The following PNPLA1 variants were observed in gnomAD, a reference collection of about 807,000 sequenced individuals.
PNPLA1 encodes the protein omega-hydroxyceramide transacylase.
Under a neutral mutation model 51.7 loss-of-function variants are expected in PNPLA1, and 36 were observed. The observed-to-expected ratio is 0.70, with a 90% CI of 0.53 to 0.92. The LOEUF is 0.92. Ranked by LOEUF, PNPLA1 falls within the 40% of genes least tolerant of loss-of-function variation. The pLI is 0.00. For synonymous variants in PNPLA1, 293 were observed against 280.1 expected (o/e 1.05, Z -0.46); for missense variants, 658 against 682.5 (o/e 0.96, Z 0.40).
intron 1 of PNPLA1, among the ~76,000 whole-genome samples, chr6:36,262,587 GTCCCTTCCTC>G (rs1561850405): frequency 6.6e-6 from 1 of 152,196 alleles, no homozygotes; most frequent in Non-Finnish European, 1.5e-5. Flanking sequence ...GCAAGCCCCA[GTCCCTTCCTC>G]AGAAGTAACC....
intron 7 of PNPLA1, among the ~76,000 whole-genome samples, chr6:36,306,907 A>G (rs1005183643): frequency 2.0e-5 from 3 of 152,170 alleles, no homozygotes; most frequent in African/African-American, 7.2e-5. Flanking sequence ...CATACACTCC[A>G]TTATATCTTT....
chr6:36,302,620 C>G, intron 6 of PNPLA1, 151 bp downstream of exon 6: 2 of 1,092,234 alleles, frequency 1.8e-6, no homozygotes, highest in Non-Finnish European at 2.6e-6. Context: ...TGAGGACAGT[C>G]CGCCACAAGG....
intron 5 of PNPLA1, among the ~76,000 whole-genome samples, chr6:36,296,271 G>A (rs971955886): frequency 1.3e-5 from 2 of 152,136 alleles, no homozygotes; most frequent in Non-Finnish European, 2.9e-5. Context: ...GTGAGACCCT[G>A]TCTCTAAAAA....
chr6:36,257,032 T>C (rs1302999257), intron 1 of PNPLA1, among the ~76,000 whole-genome samples: 1 of 152,134 alleles, frequency 6.6e-6, no homozygotes, highest in East Asian at 1.9e-4. Flanking sequence ...GCCTGGGATC[T>C]GGGTGTGGTG....
rs919430107 is a variant in PNPLA1 at position 36,294,115 on chromosome 6, G to A, written c.505-75G>A. On this transcript the variant is annotated intron_variant, in intron 3 of 8. Transcript: ENST00000636260. This position sits in a 1 kb window ranked among gnomAD's most constrained non-coding sequence, Gnocchi z 4.2. ...CCTTGAAGCTGGTGCCATATCCCAT[G>A]GGCCATTTCGATGTACCCCGAGTGG... 4 of 1,538,530 alleles carry A rather than the reference G, an allele frequency of 2.6e-6. No homozygotes were observed. The highest frequency in any genetic ancestry group is 1.7e-4 in the Middle Eastern group (1 of 5,796).
chr6:36,287,108 G>A (rs1024406211), intron 1 of PNPLA1, among the ~76,000 whole-genome samples: 6 of 152,104 alleles, frequency 3.9e-5, no homozygotes, highest in East Asian at 3.8e-4. Context: ...GGATGATCTC[G>A]CCTTCAAGCT....
Position 36,307,620 on chromosome 6 carries a change from T to A in PNPLA1, c.1503T>A (p.Asn501Lys). The stretch of plus-strand genomic sequence containing the variant: ...CTGCTGAAGACTCAAACTGGGTGAA[T>A]AAGGTCTTCAAGAAGAACAAGCAAA... ...ESPAEDSNWVNKVFKKNKQKT... is the reference protein window; with the variant it reads ...ESPAEDSNWVKKVFKKNKQKT... Residue 501 changes from asparagine (N) to lysine (K), a missense_variant, in exon 8 of 9, where the codon AAT (asparagine) becomes AAA (lysine). Physicochemically the swap from Asn to Lys is moderately conservative, Grantham distance 94. Coordinates refer to ENST00000636260, the MANE Select transcript of PNPLA1 (RefSeq NM_001374623.1). 1 of 1,613,602 alleles carries A rather than the reference T, an allele frequency of 6.2e-7. No homozygotes were observed. Among genetic ancestry groups the A allele is most frequent in the South Asian group, 1.1e-5 (1 of 91,066 alleles).
intron 1 of PNPLA1, among the ~76,000 whole-genome samples, chr6:36,260,967 G>A (rs148962553): frequency 3.9e-5 from 6 of 152,176 alleles, no homozygotes; most frequent in African/African-American, 1.4e-4. Flanking sequence ...GGGACCACAG[G>A]CATGCACCAC....
intron 1 of PNPLA1, among the ~76,000 whole-genome samples, chr6:36,259,087 C>CA (rs1769592204): frequency 1.3e-5 from 2 of 152,168 alleles, no homozygotes; most frequent in African/African-American, 4.8e-5. Flanking sequence ...TGAACCACAG[C>CA]AATGGTTCAG....
chr6:36,288,553 C>T (rs1031612542), intron 1 of PNPLA1, among the ~76,000 whole-genome samples: 1 of 151,282 alleles, frequency 6.6e-6, no homozygotes, highest in Non-Finnish European at 1.5e-5. Flanking sequence ...CCCGGGTTCA[C>T]GCCATTCTCC....
intron 1 of PNPLA1, among the ~76,000 whole-genome samples, chr6:36,285,172 G>A (rs1344674615): frequency 1.3e-5 from 2 of 152,218 alleles, no homozygotes; most frequent in African/African-American, 4.8e-5. Flanking sequence ...TGCAATTAGG[G>A]ACCAGATAGC....
At chr6:36,289,591 C>T (rs978305978) in intron 1 of PNPLA1, among the ~76,000 whole-genome samples, 1 of 146,030 alleles carries the variant, frequency 6.8e-6, no homozygotes, top group African/African-American at 2.6e-5. Context: ...TACACATATG[C>T]AGGTGTGATT....
chr6:36,302,865 T>C (rs532773300), intron 6 of PNPLA1, among the ~76,000 whole-genome samples: 8 of 152,244 alleles, frequency 5.3e-5, no homozygotes, highest in Admixed American at 5.2e-4. Context: ...CAGTAGATTT[T>C]TACTGTGAAA....
At chr6:36,275,863 T>C (rs35968576) in intron 1 of PNPLA1, among the ~76,000 whole-genome samples, 44,037 of 152,042 alleles carry the variant, frequency 0.29, 6,494 homozygotes, top group South Asian at 0.39. Flanking sequence ...TCAGTAAAGA[T>C]TTTGTGTGTT....
intron 1 of PNPLA1, 80 bp from the exon 2 acceptor site, chr6:36,291,240 G>A: frequency 9.0e-7 from 1 of 1,113,246 alleles, no homozygotes; most frequent in Non-Finnish European, 1.3e-6. Context: ...GAGATGAGTT[G>A]GAGAAACCAC....
At chr6:36,308,864 A>G (rs1431265824) in intron 8 of PNPLA1, among the ~76,000 whole-genome samples, 2 of 152,134 alleles carry the variant, frequency 1.3e-5, no homozygotes, top group African/African-American at 2.4e-5. Context: ...GCATGTTGAC[A>G]TGTGCCGGTA....
chr6:36,270,379 A>G lies in PNPLA1; in HGVS notation c.-81A>G. The G allele has an allele frequency of 7.0e-7, 1 of 1,430,358 alleles. No individual in the cohort carries two copies. Among genetic ancestry groups the G allele is most frequent in the African/African-American group, 1.4e-5 (1 of 70,766 alleles). The allele number at this position is 1,430,358 out of a possible 1,614,324, so 88.6% of individuals were successfully genotyped here. A position where few individuals can be genotyped will look rare whatever the true frequency, so the allele number is the denominator to read the frequency against. Reference sequence around the variant, plus strand: ...CAGGGAAGCTGGGTAGGGAGTTCCTACAGGGAGCGGCAGCCCAGGCTCGGG... The same window carrying G: ...CAGGGAAGCTGGGTAGGGAGTTCCTGCAGGGAGCGGCAGCCCAGGCTCGGG... On this transcript the variant is annotated 5_prime_UTR_variant, in exon 1 of 9. Coordinates refer to ENST00000636260, the MANE Select transcript of PNPLA1 (RefSeq NM_001374623.1).
rs1049949863 is a variant in PNPLA1 at position 36,302,478 on chromosome 6, C to G, written c.1384+9C>G. The G allele has an allele frequency of 3.3e-6, 5 of 1,519,884 alleles. No individual in the cohort carries two copies. The Middle Eastern group carries it at 8.9e-4, about 271-fold the overall frequency. 94.1% of individuals were successfully genotyped at this position (1,519,884 alleles called of 1,614,324 possible). On this transcript the variant is annotated intron_variant, in intron 6 of 8. Coordinates refer to ENST00000636260, the MANE Select transcript of PNPLA1 (RefSeq NM_001374623.1). The stretch of plus-strand genomic sequence containing the variant: ...CCAAGAACAGCCCCAAGGTATGGAC[C>G]CTTCTGGCTTGTTATGACTTTCTCA...
In PNPLA1 at chr6:36,277,915, G is replaced by A. The variant is rs139330567; in HGVS notation, c.205+7251G>A. On this transcript the variant is annotated intron_variant, in intron 1 of 8. Transcript: ENST00000636260. The stretch of plus-strand genomic sequence containing the variant: ...CAAGTCCAGTTTGTTGTCTGGGAAA[G>A]GGCTCAGCTCTGGCCCACCAGCAGC... 2.5e-3 allele frequency among the ~76,000 whole-genome samples: 387 copies of A among 152,290 alleles called. 3 individuals are homozygous for A. Among genetic ancestry groups the A allele is most frequent in the African/African-American group, 7.4e-3 (309 of 41,564 alleles).
Sources: gnomAD v4.1 joint callset for allele counts (sites outside exome capture counted in the v4.1 genomes callset) on GRCh38, gnomAD v4.1.1 for gene constraint, Gnocchi (gnomAD v3.1) non-coding constraint, MANE v1.5 for transcripts, NCBI Gene and HGNC (gene_info 2026-07-23, HGNC 2026-07-21) for gene names.